Variants in ALMS1 observed in about 807,000 individuals in gnomAD.
ALMS1 encodes centrosome-associated protein ALMS1.
In ALMS1, 271 loss-of-function variants were observed where a neutral mutation model predicts 352.2. The observed-to-expected ratio is 0.77, with a 90% CI of 0.70 to 0.85. ALMS1 has a LOEUF of 0.85. Among genes scored for constraint, ALMS1 ranks in the 40% least tolerant of loss-of-function variants. The probability of loss-of-function intolerance (pLI) is 0.00; values close to 1 mark genes in which losing one functional copy is unlikely to be tolerated. For synonymous variants in ALMS1, 1,865 were observed against 1,761.2 expected, an observed-to-expected ratio of 1.06 and a Z score of -1.48; for missense variants, 5,445 against 4,870.7, an observed-to-expected ratio of 1.12 and a Z score of -3.51.
intron 12 of ALMS1, among the ~76,000 whole-genome samples, chr2:73,540,841 G>T (rs1316054752): frequency 6.6e-6 from 1 of 152,220 alleles, no homozygotes; most frequent in Non-Finnish European, 1.5e-5. Context: ...AAATATGTGT[G>T]CACCCAATAC....
intron 10 of ALMS1, among the ~76,000 whole-genome samples, chr2:73,494,780 C>G (rs1186281183): frequency 6.6e-6 from 1 of 152,146 alleles, no homozygotes; most frequent in Non-Finnish European, 1.5e-5. Context: ...GTGGTATCTG[C>G]TAGGATTCTC....
intron 10 of ALMS1, among the ~76,000 whole-genome samples, chr2:73,506,061 T>C (rs920395935): frequency 6.6e-6 from 1 of 152,198 alleles, no homozygotes; most frequent in African/African-American, 2.4e-5. Context: ...CCTTTCTCCA[T>C]TGCTTTTGTC....
intron 2 of ALMS1, among the ~76,000 whole-genome samples, chr2:73,409,051 A>G (rs1671026991): frequency 6.6e-6 from 1 of 151,118 alleles, no homozygotes; most frequent in Admixed American, 6.6e-5. Context: ...TATTTTTAAA[A>G]AATTTTTTAT....
At chr2:73,568,426 CACAA>C (rs1383094129) in intron 15 of ALMS1, among the ~76,000 whole-genome samples, 2 of 152,078 alleles carry the variant, frequency 1.3e-5, no homozygotes, top group Non-Finnish European at 2.9e-5. Flanking sequence ...CACATAAACG[CACAA>C]ACAAATGTTC....
At chr2:73,466,980 C>G (rs1672363023) in intron 9 of ALMS1, among the ~76,000 whole-genome samples, 1 of 152,000 alleles carries the variant, frequency 6.6e-6, no homozygotes, top group Non-Finnish European at 1.5e-5. Context: ...TAACCCTGTC[C>G]CCTACATCAT....
At chr2:73,553,606 T>A (rs933132170) in intron 13 of ALMS1, among the ~76,000 whole-genome samples, 1 of 152,220 alleles carries the variant, frequency 6.6e-6, no homozygotes, top group Non-Finnish European at 1.5e-5. Context: ...AAAATAAATG[T>A]AATTACAGTA....
intron 18 of ALMS1, 133 bp from the exon 19 acceptor site, chr2:73,601,062 T>C: frequency 6.7e-7 from 1 of 1,484,388 alleles, no homozygotes; most frequent in Non-Finnish European, 9.2e-7. Context: ...AAAACCAGAC[T>C]CAAGGGCACC....
chr2:73,428,531 C>G (rs1331445842), intron 6 of ALMS1, among the ~76,000 whole-genome samples: 1 of 152,136 alleles, frequency 6.6e-6, no homozygotes. Flanking sequence ...TTTAATACTA[C>G]TTTTGTGACT....
chr2:73,449,510 A>G lies in ALMS1; in HGVS notation c.2983A>G (p.Thr995Ala), dbSNP rs776162820. The G allele has an allele frequency of 6.2e-7, 1 of 1,614,044 alleles. No homozygotes were observed. The highest frequency in any genetic ancestry group is 8.5e-7 in the Non-Finnish European group (1 of 1,179,972). Residue 995 changes from threonine to alanine, a missense_variant, in exon 8 of 23, where the codon ACA becomes GCA. By Grantham distance (58) the Thr-to-Ala change is moderately conservative. Coordinates refer to ENST00000613296, the MANE Select transcript of ALMS1 (RefSeq NM_001378454.1). ...PGLTDQKTVP[T>A]PTVPSGSFSH... ...ACTGACTGACCAGAAGACTGTCCCA[A>G]CACCAACAGTACCTTCAGGTTCCTT...
chr2:73,552,891 A>G (rs1453896359), intron 13 of ALMS1, among the ~76,000 whole-genome samples: 3 of 152,246 alleles, frequency 2.0e-5, no homozygotes, highest in Non-Finnish European at 2.9e-5. Flanking sequence ...AAAATAGAAC[A>G]TAAAGAGAAG....
chr2:73,486,217 G>C (rs1403136752), intron 9 of ALMS1, among the ~76,000 whole-genome samples: 1 of 152,058 alleles, frequency 6.6e-6, no homozygotes, highest in East Asian at 1.9e-4. Context: ...ACCTTTGTTG[G>C]ATATGAGGTT....
At chr2:73,480,499 A>G (rs1672675542) in intron 9 of ALMS1, among the ~76,000 whole-genome samples, 1 of 152,106 alleles carries the variant, frequency 6.6e-6, no homozygotes, top group Non-Finnish European at 1.5e-5. Flanking sequence ...GATTGGTTCC[A>G]AGTCTTTGCT....
chr2:73,535,057 A>C, intron 12 of ALMS1, 108 bp downstream of exon 12: 1 of 1,404,356 alleles, frequency 7.1e-7, no homozygotes, highest in Non-Finnish European at 1.0e-6. Flanking sequence ...TTTTCAGTGA[A>C]ATATGGAACT....
intron 9 of ALMS1, among the ~76,000 whole-genome samples, chr2:73,471,576 A>C (rs1196117733): frequency 6.6e-6 from 1 of 151,734 alleles, no homozygotes; most frequent in Non-Finnish European, 1.5e-5. Flanking sequence ...AACATTTCTT[A>C]AGACATACAA....
intron 9 of ALMS1, chr2:73,459,034 T>C (rs1039716570): frequency 6.6e-6 from 1 of 152,228 alleles, no homozygotes; most frequent in Non-Finnish European, 1.5e-5. Flanking sequence ...AAACCTGTTA[T>C]AAATTACTTC....
chr2:73,428,571 A>G (rs1671440392), intron 6 of ALMS1, among the ~76,000 whole-genome samples: 1 of 152,234 alleles, frequency 6.6e-6, no homozygotes, highest in African/African-American at 2.4e-5. Flanking sequence ...GATAAAATGT[A>G]TTTTAAAAAT....
chr2:73,479,759 T>C (rs1189101974), intron 9 of ALMS1, among the ~76,000 whole-genome samples: 2 of 152,168 alleles, frequency 1.3e-5, no homozygotes, highest in African/African-American at 2.4e-5. Flanking sequence ...CTGGGTCATG[T>C]GGTAGTTGCA....
chr2:73,400,223 G>T (rs994344310), intron 1 of ALMS1, among the ~76,000 whole-genome samples: 1 of 152,162 alleles, frequency 6.6e-6, no homozygotes, highest in Non-Finnish European at 1.5e-5. Context: ...TGGAATTACA[G>T]GTGGGAGCCA....
chr2:73,483,389 G>T (rs1672756615), intron 9 of ALMS1, among the ~76,000 whole-genome samples: 1 of 151,654 alleles, frequency 6.6e-6, no homozygotes. Flanking sequence ...GGTTTTGAGT[G>T]AGATTCTTAA....
Sources: allele counts gnomAD v4.1 joint callset (sites outside exome capture counted in the v4.1 genomes callset), GRCh38; gene constraint gnomAD v4.1.1; transcripts MANE v1.5; gene names NCBI Gene and HGNC (gene_info 2026-07-23, HGNC 2026-07-21).